The following PCTP variants were observed in gnomAD, a reference collection of about 807,000 sequenced individuals.
The protein encoded by PCTP is START domain-containing protein 2.
In PCTP, 27 loss-of-function variants were observed where a neutral mutation model predicts 31.0. The ratio of observed to expected loss-of-function variants is 0.87; its 90% CI spans 0.64 to 1.20. The LOEUF (loss-of-function observed/expected upper bound fraction) is 1.20. PCTP is among the 50% of genes most tolerant of loss of function. The pLI is 0.00. For missense variants in PCTP, 287 were observed against 268.2 expected, an observed-to-expected ratio of 1.07 and a Z score of -0.49; for synonymous variants, 108 against 101.2, an observed-to-expected ratio of 1.07 and a Z score of -0.40.
At chr17:55,833,448 C>T (rs1905672506) in intron 5 of PCTP, among the ~76,000 whole-genome samples, 1 of 152,178 alleles carries the variant, frequency 6.6e-6, no homozygotes, top group Non-Finnish European at 1.5e-5. Context: ...AGTGCTGGTC[C>T]AAATAAGGGA....
intron 3 of PCTP, among the ~76,000 whole-genome samples, chr17:55,793,462 G>C (rs541598661): frequency 6.6e-6 from 1 of 151,852 alleles, no homozygotes; most frequent in East Asian, 1.9e-4. Context: ...TACCTTTTTT[G>C]CCTGATAAAG....
chr17:55,770,197 A>G (rs1187924855), intron 2 of PCTP: 1 of 152,218 alleles, frequency 6.6e-6, no homozygotes, highest in Non-Finnish European at 1.5e-5. Flanking sequence ...GTAAGACGGA[A>G]GGATTATTAG....
chr17:55,782,553 A>C (rs947807530), intron 2 of PCTP, among the ~76,000 whole-genome samples: 26 of 152,194 alleles, frequency 1.7e-4, no homozygotes, highest in African/African-American at 6.3e-4. Flanking sequence ...TGCTTAAGGT[A>C]ACTTGGCTAG....
chr17:55,848,948 A>T, the PCTP span, among the ~76,000 whole-genome samples: 4 of 152,244 alleles, frequency 2.6e-5, no homozygotes, highest in African/African-American at 9.6e-5. Flanking sequence ...ATAAAAAAAA[A>T]TAGTGGTATA....
In PCTP at chr17:55,767,420, A is replaced by G. The variant is rs1910726824; in HGVS notation, c.227A>G (p.Asp76Gly). Residue 76 changes from aspartate (D) to glycine (G), a missense_variant, in exon 2 of 6, where the codon GAT (aspartate) becomes GGT (glycine). Coordinates refer to ENST00000268896, the MANE Select transcript of PCTP (RefSeq NM_021213.4). ...TLLADIYMDS[D>G]YRKQWDQYVK... is the part of the protein sequence containing the mutation. ...CTGGCAGACATCTATATGGACTCAGATTACAGAAAACAATGGGACCAGTAT... is the reference window on the plus strand; with the variant it reads ...CTGGCAGACATCTATATGGACTCAGGTTACAGAAAACAATGGGACCAGTAT... The G allele has an allele frequency of 3.7e-6, 6 of 1,611,956 alleles. No homozygotes were observed. In the East Asian group the frequency reaches 1.3e-4, roughly 36 times the overall value.
chr17:55,764,422 G>A (rs1910525862), intron 1 of PCTP, among the ~76,000 whole-genome samples: 1 of 152,168 alleles, frequency 6.6e-6, no homozygotes, highest in African/African-American at 2.4e-5. Flanking sequence ...GAGAGAAGAT[G>A]TTTATCTTCC....
intron 3 of PCTP, among the ~76,000 whole-genome samples, chr17:55,798,474 G>A (rs981800629): frequency 2.6e-5 from 4 of 151,730 alleles, no homozygotes; most frequent in Non-Finnish European, 4.4e-5. Context: ...AAAATATGAA[G>A]GGCAACCAAA....
At chr17:55,792,575 G>A (rs1261172969) in intron 3 of PCTP, among the ~76,000 whole-genome samples, 1 of 152,054 alleles carries the variant, frequency 6.6e-6, no homozygotes, top group Non-Finnish European at 1.5e-5. Context: ...CTAGTGTATG[G>A]GACTAGAAGC....
Position 55,776,273 on chromosome 17 carries a change from C to A in PCTP, c.*173C>A. 1 of 1,388,952 alleles carries A rather than the reference C, an allele frequency of 7.2e-7. No homozygotes were observed. The highest frequency in any genetic ancestry group is 1.5e-5 in the African/African-American group (1 of 68,282). The allele number at this position is 1,388,952 out of a possible 1,614,324, so 86.0% of individuals were successfully genotyped here. On this transcript the variant is annotated 3_prime_UTR_variant, in exon 6 of 6. Transcript: ENST00000268896. ...GTCTTCAGAGGCCTACACACTACCA[C>A]ATCCTTTCTAAGCATGTTTGCCTGA...
chr17:55,826,952 G>C (rs1401886070), downstream of PCTP, among the ~76,000 whole-genome samples: 7 of 148,560 alleles, frequency 4.7e-5, no homozygotes, highest in Non-Finnish European at 8.9e-5. Context: ...AAGATTTTTT[G>C]TTTGTTGTTT....
chr17:55,812,590 A>G (rs1228835267), intron 3 of PCTP, among the ~76,000 whole-genome samples: 1 of 152,194 alleles, frequency 6.6e-6, no homozygotes, highest in African/African-American at 2.4e-5. Flanking sequence ...CAGACTGTCA[A>G]CATTTCCAGT....
At chr17:55,804,369 T>C (rs1425648186) in intron 3 of PCTP, among the ~76,000 whole-genome samples, 1 of 152,216 alleles carries the variant, frequency 6.6e-6, no homozygotes, top group Non-Finnish European at 1.5e-5. Context: ...ACTGGGTATA[T>C]GCCCAAAGGA....
intron 5 of PCTP, among the ~76,000 whole-genome samples, chr17:55,838,137 T>C (rs1212116947): frequency 6.6e-6 from 1 of 152,086 alleles, no homozygotes; most frequent in Non-Finnish European, 1.5e-5. Flanking sequence ...CAAGACCCTG[T>C]CTCAAACAAA....
chr17:55,787,085 C>T (rs950015302), intron 2 of PCTP, among the ~76,000 whole-genome samples: 4 of 151,862 alleles, frequency 2.6e-5, no homozygotes, highest in African/African-American at 9.7e-5. Context: ...TACCTTACTG[C>T]TCTCATCAGA....
intron 4 of PCTP, 65 bp downstream of exon 4, chr17:55,773,960 G>T: frequency 6.7e-7 from 1 of 1,483,010 alleles, no homozygotes; most frequent in African/African-American, 1.4e-5. Context: ...CCAGGCTGAT[G>T]GGGGGACATG....
In PCTP at chr17:55,776,481, G is replaced by T; in HGVS notation, c.*381G>T. The T allele has an allele frequency of 8.1e-7, 1 of 1,231,986 alleles. No homozygotes were observed. Among genetic ancestry groups the T allele is most frequent in the Non-Finnish European group, 1.0e-6 (1 of 988,198 alleles). The allele number at this position is 1,231,986 out of a possible 1,614,324, so 76.3% of individuals were successfully genotyped here. ...ATTTTACGGGGATGGGTGGGCGGAG[G>T]GACACAACAAAATTTAAGAATGACT... On this transcript the variant is annotated 3_prime_UTR_variant, in exon 6 of 6. Transcript: ENST00000268896.
At chr17:55,846,644 A>C (rs1199538303), downstream of PCTP, among the ~76,000 whole-genome samples, 1 of 151,904 alleles carries the variant, frequency 6.6e-6, no homozygotes, top group Non-Finnish European at 1.5e-5. Flanking sequence ...AGAGTGATAA[A>C]CCCCCTCTTT....
chr17:55,809,089 T>G (rs985907985), intron 3 of PCTP, among the ~76,000 whole-genome samples: 2 of 152,224 alleles, frequency 1.3e-5, no homozygotes, highest in African/African-American at 4.8e-5. Flanking sequence ...GGCCAAAGAC[T>G]ATGAAGTAAT....
intron 1 of PCTP, among the ~76,000 whole-genome samples, chr17:55,759,581 A>G (rs1277304861): frequency 6.6e-6 from 1 of 152,164 alleles, no homozygotes; most frequent in East Asian, 1.9e-4. Flanking sequence ...TTTTAGATAA[A>G]TAGATTGGGG....
Sources: gnomAD v4.1 joint callset for allele counts (sites outside exome capture counted in the v4.1 genomes callset) on GRCh38, gnomAD v4.1.1 for gene constraint, MANE v1.5 for transcripts, NCBI Gene and HGNC (gene_info 2026-07-23, HGNC 2026-07-21) for gene names.